The following RIT2 variants were observed in gnomAD, a reference collection of about 807,000 sequenced individuals.
The protein encoded by RIT2 is Ras like without CAAX 2.
A neutral mutation model predicts 23.7 loss-of-function variants in RIT2; 24 were observed. The ratio of observed to expected loss-of-function variants is 1.01; its 90% CI spans 0.73 to 1.43. The LOEUF (loss-of-function observed/expected upper bound fraction) is 1.43. RIT2 is among the 40% of genes most tolerant of loss of function. The pLI is 0.00. For synonymous variants in RIT2, 107 were observed against 91.1 expected, an observed-to-expected ratio of 1.17 and a Z score of -0.99; for missense variants, 236 against 266.9, an observed-to-expected ratio of 0.88 and a Z score of 0.81.
chr18:43,040,247 A>C (rs189598871), intron 1 of RIT2, among the ~76,000 whole-genome samples: 2 of 152,334 alleles, frequency 1.3e-5, no homozygotes, highest in African/African-American at 4.8e-5. Context: ...AGCTGCATGC[A>C]TGTGTGAGTG....
intron 2 of RIT2, among the ~76,000 whole-genome samples, chr18:43,007,386 C>T (rs1038009500): frequency 6.6e-6 from 1 of 151,674 alleles, no homozygotes; most frequent in African/African-American, 2.4e-5. Context: ...TTTTCCAGCT[C>T]TGTTCACTGA....
chr18:43,099,745 T>C (rs1317687310), intron 1 of RIT2, among the ~76,000 whole-genome samples: 10 of 152,080 alleles, frequency 6.6e-5, no homozygotes, highest in Admixed American at 6.6e-5. Context: ...CTTGCAGGGT[T>C]TTTTTCTGAC....
intron 3 of RIT2, among the ~76,000 whole-genome samples, chr18:42,951,689 T>C (rs1909855418): frequency 6.6e-6 from 1 of 152,094 alleles, no homozygotes. Flanking sequence ...AAAGAGATAT[T>C]TGCACTCCCA....
rs143692904 is a variant in RIT2 at position 42,821,979 on chromosome 18, G to A, written c.427-78259C>T. 5.2e-3 allele frequency among the ~76,000 whole-genome samples: 794 copies of A among 152,244 alleles called. 5 individuals carry two copies. The highest frequency in any genetic ancestry group is 0.017 in the African/African-American group (723 of 41,552). On this transcript the variant is annotated intron_variant, in intron 4 of 4. Transcript: ENST00000326695. Reference sequence around the variant, plus strand: ...AAAATGGGAGGAAGGAGAGGGAGTTGTTCTATCTAATGAGATCAGAAAAGA... The same window carrying A: ...AAAATGGGAGGAAGGAGAGGGAGTTATTCTATCTAATGAGATCAGAAAAGA...
chr18:43,045,642 G>C (rs1324934875), intron 1 of RIT2, among the ~76,000 whole-genome samples: 3 of 152,130 alleles, frequency 2.0e-5, no homozygotes, highest in Admixed American at 6.6e-5. Context: ...ACTTTGAGAA[G>C]AGATCATAGA....
At chr18:42,800,237 T>G (rs983632843) in intron 4 of RIT2, among the ~76,000 whole-genome samples, 1 of 152,228 alleles carries the variant, frequency 6.6e-6, no homozygotes, top group Non-Finnish European at 1.5e-5. Context: ...TGTGCACAGC[T>G]GGTCCTATAC....
chr18:42,957,571 G>A (rs1363598786), intron 3 of RIT2, among the ~76,000 whole-genome samples: 2 of 152,090 alleles, frequency 1.3e-5, no homozygotes, highest in Non-Finnish European at 2.9e-5. Context: ...ATCACTTGAG[G>A]TCAGGAGTTC....
chr18:42,904,578 C>A (rs758874230), intron 4 of RIT2, among the ~76,000 whole-genome samples: 5 of 151,992 alleles, frequency 3.3e-5, no homozygotes, highest in Non-Finnish European at 7.4e-5. Flanking sequence ...TCAGTGTGCC[C>A]TAACTACATT....
At chr18:42,773,438 G>C (rs1913597231) in intron 4 of RIT2, among the ~76,000 whole-genome samples, 1 of 152,178 alleles carries the variant, frequency 6.6e-6, no homozygotes, top group African/African-American at 2.4e-5. Context: ...GCAAACTAAG[G>C]TTATTAACAT....
intron 4 of RIT2, among the ~76,000 whole-genome samples, chr18:42,751,591 T>A (rs1391323609): frequency 6.6e-6 from 1 of 152,004 alleles, no homozygotes; most frequent in African/African-American, 2.4e-5. Flanking sequence ...AGTGAATATT[T>A]TATTTTTTGT....
intron 3 of RIT2, among the ~76,000 whole-genome samples, chr18:42,973,580 C>G (rs763129246): frequency 2.1e-4 from 32 of 151,748 alleles, no homozygotes; most frequent in Non-Finnish European, 3.4e-4. Flanking sequence ...AAAATTACTT[C>G]TCTTTCTCTC....
intron 4 of RIT2, among the ~76,000 whole-genome samples, chr18:42,827,524 T>C (rs1906328913): frequency 6.7e-6 from 1 of 150,150 alleles, no homozygotes; most frequent in African/African-American, 2.5e-5. Context: ...AATTAAAAGG[T>C]AAAAAAACTA....
intron 4 of RIT2, among the ~76,000 whole-genome samples, chr18:42,795,583 G>A (rs1013402329): frequency 3.0e-4 from 45 of 152,364 alleles, no homozygotes; most frequent in Middle Eastern, 3.4e-3. Flanking sequence ...ACGGCGCCCA[G>A]TCCCATCGAC....
intron 4 of RIT2, among the ~76,000 whole-genome samples, chr18:42,883,950 T>C (rs949713947): frequency 6.6e-6 from 1 of 152,182 alleles, no homozygotes; most frequent in South Asian, 2.1e-4. Context: ...TTATAAAAGT[T>C]TGTAGGTTAC....
intron 2 of RIT2, among the ~76,000 whole-genome samples, chr18:42,988,149 CAAT>C (rs1351752412): frequency 6.6e-6 from 1 of 151,908 alleles, no homozygotes; most frequent in African/African-American, 2.4e-5. Context: ...TAGAATACAA[CAAT>C]GTGGTTCAAT....
chr18:42,775,661 C>A (rs1050677435), intron 4 of RIT2, among the ~76,000 whole-genome samples: 6 of 151,490 alleles, frequency 4.0e-5, no homozygotes, highest in Non-Finnish European at 7.4e-5. Context: ...CGCGCCACTG[C>A]ACTCCAGCCT....
Position 43,099,115 on chromosome 18 carries a change from A to T in RIT2, c.103+16302T>A, listed in dbSNP as rs568817839. ...AATCAGAAAAAAGAGCACTAACAAGATCAGCTTTGATGCTTTGGTAATTGT... is the reference window on the plus strand; with the variant it reads ...AATCAGAAAAAAGAGCACTAACAAGTTCAGCTTTGATGCTTTGGTAATTGT... On this transcript the variant is annotated intron_variant, in intron 1 of 4. Transcript: ENST00000326695. 2.2e-3 allele frequency among the ~76,000 whole-genome samples: 331 copies of T among 152,162 alleles called. 3 individuals are homozygous for T. The highest frequency in any genetic ancestry group is 7.8e-3 in the African/African-American group (326 of 41,552).
chr18:43,076,633 A>C (rs1485283655), intron 1 of RIT2, among the ~76,000 whole-genome samples: 1 of 152,180 alleles, frequency 6.6e-6, no homozygotes, highest in African/African-American at 2.4e-5. Flanking sequence ...CAGATGGTCT[A>C]ATAAAGAAGG....
chr18:42,881,226 G>A (rs997082172), intron 4 of RIT2, among the ~76,000 whole-genome samples: 3 of 152,056 alleles, frequency 2.0e-5, no homozygotes, highest in Non-Finnish European at 4.4e-5. Context: ...AAAAAACAGA[G>A]GTTGTTTAAA....
Sources: gnomAD v4.1 joint callset for allele counts (sites outside exome capture counted in the v4.1 genomes callset) on GRCh38, gnomAD v4.1.1 for gene constraint, MANE v1.5 for transcripts, NCBI Gene and HGNC (gene_info 2026-07-23, HGNC 2026-07-21) for gene names.